The following SMCHD1 variants were observed in gnomAD, a reference collection of about 807,000 sequenced individuals.
SMCHD1 encodes structural maintenance of chromosomes flexible hinge domain-containing protein 1.
SMCHD1 carries 78 observed loss-of-function variants against 254.7 expected under a neutral mutation model. The observed-to-expected ratio is 0.31, with a 90% CI of 0.26 to 0.37. The LOEUF (loss-of-function observed/expected upper bound fraction) is 0.37, where lower values mean the gene tolerates loss of function less well. SMCHD1 is among the 10% of genes least tolerant of loss of function. The pLI is 1.00. For missense variants in SMCHD1, 1,840 were observed against 2,408.1 expected, an observed-to-expected ratio of 0.76 and a Z score of 4.94; for synonymous variants, 766 against 794.9, an observed-to-expected ratio of 0.96 and a Z score of 0.61.
At chr18:2,692,143 G>A (rs1248557798) in intron 7 of SMCHD1, among the ~76,000 whole-genome samples, 1 of 152,190 alleles carries the variant, frequency 6.6e-6, no homozygotes, top group African/African-American at 2.4e-5. Context: ...AGTAAAAGGT[G>A]GTAGGAATGG....
chr18:2,656,768 G>A (rs1450218671), intron 1 of SMCHD1, among the ~76,000 whole-genome samples: 1 of 152,152 alleles, frequency 6.6e-6, no homozygotes, highest in East Asian at 1.9e-4. Context: ...TTGCCCTGTC[G>A]AGGTTGCAGG....
chr18:2,685,248 C>T (rs545655352), intron 5 of SMCHD1, among the ~76,000 whole-genome samples: 47 of 151,770 alleles, frequency 3.1e-4, no homozygotes, highest in Non-Finnish European at 5.9e-4. Context: ...TACAGGCGCC[C>T]GCCACCACGC....
In SMCHD1 at chr18:2,688,514, TA is replaced by T; in HGVS notation, c.753+11del. On this transcript the variant is annotated splice_region_variant and intron_variant, in intron 6 of 47. Coordinates refer to ENST00000320876, the MANE Select transcript of SMCHD1 (RefSeq NM_015295.3). ...TTGTTGGACAATCAGCCAGAGTAAG[TA>T]AAAAGATTTCTTATAAATGAAAGTT... The T allele has an allele frequency of 6.2e-7, 1 of 1,606,928 alleles. No individual in the cohort carries two copies. Among genetic ancestry groups the T allele is most frequent in the South Asian group, 1.1e-5 (1 of 90,840 alleles).
At chr18:2,714,777 GA>G (rs1320394485) in intron 17 of SMCHD1, among the ~76,000 whole-genome samples, 5 of 152,010 alleles carry the variant, frequency 3.3e-5, no homozygotes, top group Non-Finnish European at 5.9e-5. Flanking sequence ...TGCTTGTCTG[GA>G]AAAGACTATT....
intron 47 of SMCHD1, among the ~76,000 whole-genome samples, chr18:2,799,363 C>T (rs1485236112): frequency 6.6e-6 from 1 of 152,108 alleles, no homozygotes; most frequent in African/African-American, 2.4e-5. Flanking sequence ...TGGCTGGTGG[C>T]TACCGTTTTG....
intron 32 of SMCHD1, 119 bp downstream of exon 32, chr18:2,750,626 A>T: frequency 1.4e-6 from 1 of 717,750 alleles, no homozygotes; most frequent in Non-Finnish European, 2.1e-6. Flanking sequence ...AGGGAAGCAA[A>T]TGATTTCAAT....
intron 27 of SMCHD1, among the ~76,000 whole-genome samples, chr18:2,740,135 C>T (rs1425759448): frequency 6.6e-6 from 1 of 152,010 alleles, no homozygotes; most frequent in Non-Finnish European, 1.5e-5. Flanking sequence ...TCCCTGGGTC[C>T]ATGTGTTCTC....
In SMCHD1 at chr18:2,734,940, G is replaced by A. The variant is rs368464194; in HGVS notation, c.3276+2448G>A. On this transcript the variant is annotated intron_variant, in intron 25 of 47. Transcript: ENST00000320876. ...CAAAAATTTAGCCAGGCATGGTGGC[G>A]GGCACCTGTGATCCCAGCTACTCAG... 3.4e-4 allele frequency among the ~76,000 whole-genome samples: 52 copies of A among 151,808 alleles called. 1 individual carries two copies. The highest frequency in any genetic ancestry group is 1.2e-3 in the African/African-American group (48 of 41,396).
intron 39 of SMCHD1, among the ~76,000 whole-genome samples, chr18:2,770,770 G>A (rs577131978): frequency 4.5e-4 from 68 of 152,158 alleles, no homozygotes; most frequent in Admixed American, 1.3e-3. Flanking sequence ...ACAGGCACAT[G>A]CCACCACGCC....
Position 2,662,178 on chromosome 18 carries a change from A to T in SMCHD1, c.187-3979A>T, listed in dbSNP as rs1338229830. ...GAGACTCCGTCTCAAAAAAAAAAAA[A>T]TAAAATAAATAAATAAATAAATAAA... On this transcript the variant is annotated intron_variant, in intron 1 of 47. Coordinates refer to ENST00000320876, the MANE Select transcript of SMCHD1 (RefSeq NM_015295.3). Among the ~76,000 whole-genome samples, 6 of 95,122 alleles carry T rather than the reference A, an allele frequency of 6.3e-5. 1 individual carries two copies. In the South Asian group the frequency reaches 1.3e-3, roughly 20 times the overall value. The allele number at this position is 95,122 out of a possible 152,430, so 62.4% of individuals were successfully genotyped here. A position where few individuals can be genotyped will look rare whatever the true frequency, so the allele number is the denominator to read the frequency against.
At chr18:2,762,459 T>C (rs575842256) in intron 36 of SMCHD1, among the ~76,000 whole-genome samples, 37 of 151,588 alleles carry the variant, frequency 2.4e-4, no homozygotes, top group African/African-American at 8.5e-4. Context: ...TAAGCAGAAC[T>C]GACTCAAAAT....
At position 2,732,322 on chromosome 18, in the gene SMCHD1, G is replaced by A. The variant is rs183236583; in HGVS notation, c.3106G>A (p.Val1036Ile). ...KTIKLLPSSH[V>I]ARLQIFSVEG... The stretch of plus-strand genomic sequence containing the variant: ...TATTAAGTTGCTTCCCAGTAGCCAT[G>A]TTGCAAGACTACAAATATTCAGTGT... Residue 1036 changes from valine (V) to isoleucine (I), a missense_variant, in exon 25 of 48, where the codon GTT (valine) becomes ATT (isoleucine). Around this residue, in one of 9 missense-constraint regions of SMCHD1, gnomAD observed 881 missense variants for 1,009.5 expected, o/e 0.87. Coordinates refer to ENST00000320876, the MANE Select transcript of SMCHD1 (RefSeq NM_015295.3). The A allele has an allele frequency of 1.2e-5, 19 of 1,613,840 alleles. No homozygotes were observed. The Admixed American group carries it at 2.2e-4, about 18-fold the overall frequency.
At chr18:2,788,680 A>G (rs1008113637) in intron 45 of SMCHD1, among the ~76,000 whole-genome samples, 2 of 150,552 alleles carry the variant, frequency 1.3e-5, no homozygotes, top group South Asian at 2.1e-4. Flanking sequence ...TCTAATTGCA[A>G]CCTCCACCTC....
intron 47 of SMCHD1, among the ~76,000 whole-genome samples, chr18:2,801,968 A>C (rs549930674): frequency 1.3e-5 from 2 of 151,394 alleles, no homozygotes; most frequent in South Asian, 4.2e-4. Flanking sequence ...TCCACTTATA[A>C]AGATTAAAAA....
At chr18:2,663,969 C>A (rs1455291501) in intron 1 of SMCHD1, among the ~76,000 whole-genome samples, 1 of 152,104 alleles carries the variant, frequency 6.6e-6, no homozygotes, top group Non-Finnish European at 1.5e-5. Context: ...CCCTCCTCAG[C>A]CTCCCAAAGT....
At chr18:2,697,725 T>C (rs1257908876) in intron 9 of SMCHD1, 106 bp from the exon 10 acceptor site, 1 of 730,138 alleles carries the variant, frequency 1.4e-6, no homozygotes, top group African/African-American at 1.8e-5. Flanking sequence ...GATTGTTACT[T>C]GTACAAATAA....
intron 17 of SMCHD1, among the ~76,000 whole-genome samples, chr18:2,717,812 GT>G (rs1238948998): frequency 2.0e-5 from 3 of 151,272 alleles, no homozygotes; most frequent in Non-Finnish European, 4.4e-5. Context: ...TAAAAATTTT[GT>G]TTTTTTTAAT....
chr18:2,747,671 C>A, intron 30 of SMCHD1, 24 bp downstream of exon 30: 1 of 1,494,678 alleles, frequency 6.7e-7, no homozygotes, highest in Non-Finnish European at 9.0e-7. Context: ...TTCCTTACAT[C>A]TTCATTTAAA....
chr18:2,795,905 T>C (rs775435060), intron 45 of SMCHD1, 44 bp from the exon 46 acceptor site: 3 of 1,519,258 alleles, frequency 2.0e-6, no homozygotes, highest in African/African-American at 2.8e-5. Flanking sequence ...ATGAGTTTGG[T>C]TTAATAGCAG....
Sources: allele counts gnomAD v4.1 joint callset (sites outside exome capture counted in the v4.1 genomes callset), GRCh38; gene constraint gnomAD v4.1.1; regional missense constraint gnomAD v4.1.1; transcripts MANE v1.5; gene names NCBI Gene and HGNC (gene_info 2026-07-23, HGNC 2026-07-21).